The following NTM variants were observed in gnomAD, a reference collection of about 807,000 sequenced individuals.
NTM encodes the protein IgLON family member 2.
A neutral mutation model predicts 42.1 loss-of-function variants in NTM; 13 were observed. The ratio of observed to expected loss-of-function variants is 0.31; its 90% CI spans 0.20 to 0.49. NTM has a LOEUF of 0.49. NTM is among the 20% of genes least tolerant of loss of function. The pLI, the probability that NTM is intolerant of heterozygous loss-of-function variation, is 0.99. For synonymous variants in NTM, 187 were observed against 179.2 expected (o/e 1.04, Z -0.35); for missense variants, 373 against 452.8 (o/e 0.82, Z 1.60).
Position 131,900,822 on chromosome 11 carries a change from T to C in NTM, c.83-10742T>C, listed in dbSNP as rs571119308. On this transcript the variant is annotated intron_variant, in intron 1 of 8. Coordinates refer to ENST00000683400, the MANE Select transcript of NTM (RefSeq NM_001352005.2). ...ATAAGCAATACTAGGAGAATTTTTA[T>C]GGAACAATTTTGAGTAAAAATAACA... Among the ~76,000 whole-genome samples the C allele has an allele frequency of 2.6e-5, 4 of 152,376 alleles. No homozygotes were observed. In the South Asian group the frequency reaches 8.3e-4, roughly 32 times the overall value.
At chr11:131,665,971 A>C (rs2068974568) in intron 1 of NTM, among the ~76,000 whole-genome samples, 1 of 152,264 alleles carries the variant, frequency 6.6e-6, no homozygotes, top group Admixed American at 6.5e-5. Flanking sequence ...CTCAGTATCC[A>C]GTTTTGCTGA....
chr11:131,460,823 G>A (rs1951308564), intron 1 of NTM, among the ~76,000 whole-genome samples: 1 of 152,162 alleles, frequency 6.6e-6, no homozygotes, highest in Non-Finnish European at 1.5e-5. Flanking sequence ...CAAAGTGCTG[G>A]AATTACAGGC....
chr11:131,684,609 G>A (rs2073557411), intron 1 of NTM, among the ~76,000 whole-genome samples: 1 of 152,202 alleles, frequency 6.6e-6, no homozygotes, highest in Admixed American at 6.5e-5. Flanking sequence ...ACCTGCAGGT[G>A]GACATTTGGC....
intron 4 of NTM, among the ~76,000 whole-genome samples, chr11:132,235,993 G>GACAC (rs367555812): frequency 7.1e-4 from 72 of 101,266 alleles, no homozygotes; most frequent in Admixed American, 9.8e-4. Flanking sequence ...CACACACACA[G>GACAC]ACACACACAC....
intron 2 of NTM, among the ~76,000 whole-genome samples, chr11:131,952,764 C>T (rs2061154156): frequency 6.6e-6 from 1 of 152,060 alleles, no homozygotes; most frequent in African/African-American, 2.4e-5. Context: ...ACAAAGATAC[C>T]TATTACAATG....
chr11:132,005,754 C>T (rs2070623700), intron 2 of NTM, among the ~76,000 whole-genome samples: 1 of 152,004 alleles, frequency 6.6e-6, no homozygotes, highest in Admixed American at 6.6e-5. Context: ...AGTCCTTATT[C>T]CTCCCATTTT....
At chr11:131,564,457 GGAGGGA>G (rs1592064655) in intron 1 of NTM, among the ~76,000 whole-genome samples, 2 of 125,716 alleles carry the variant, frequency 1.6e-5, no homozygotes, top group East Asian at 5.6e-4. Flanking sequence ...AGAGAGAGAG[GGAGGGA>G]GAGAGAGAGA....
At chr11:132,073,323 G>T (rs185091595) in intron 2 of NTM, among the ~76,000 whole-genome samples, 5 of 152,276 alleles carry the variant, frequency 3.3e-5, no homozygotes, top group Non-Finnish European at 7.3e-5. Context: ...TGGGAGCAGA[G>T]GTGCCTAGTT....
At chr11:131,660,664 A>C (rs764024254) in intron 1 of NTM, 16 of 441,198 alleles carry the variant, frequency 3.6e-5, no homozygotes, top group South Asian at 2.6e-4. Flanking sequence ...CTGACCTTTC[A>C]TCCATGAAGC....
At chr11:132,160,890 T>G (rs1591910056) in intron 3 of NTM, among the ~76,000 whole-genome samples, 3 of 151,302 alleles carry the variant, frequency 2.0e-5, no homozygotes, top group South Asian at 2.1e-4. Context: ...AGGAGGAGGG[T>G]GAGAGGAGAG....
intron 3 of NTM, among the ~76,000 whole-genome samples, chr11:132,161,028 C>T (rs1308452910): frequency 6.6e-6 from 1 of 152,182 alleles, no homozygotes; most frequent in Non-Finnish European, 1.5e-5. Flanking sequence ...GAATTCCTCA[C>T]TTGGTTTCAG....
chr11:131,635,988 C>T (rs998994823), intron 1 of NTM, among the ~76,000 whole-genome samples: 1 of 152,198 alleles, frequency 6.6e-6, no homozygotes, highest in Non-Finnish European at 1.5e-5. Flanking sequence ...AGGACCCCTA[C>T]GCTCCACGGT....
chr11:131,578,280 C>T (rs1411273835), intron 1 of NTM, among the ~76,000 whole-genome samples: 1 of 152,086 alleles, frequency 6.6e-6, no homozygotes, highest in African/African-American at 2.4e-5. Flanking sequence ...AATTAGGTCC[C>T]CCAAGCAAAT....
chr11:131,726,323 G>A (rs777941922), intron 1 of NTM, among the ~76,000 whole-genome samples: 8 of 152,204 alleles, frequency 5.3e-5, no homozygotes, highest in Non-Finnish European at 8.8e-5. Context: ...TTAAAAAAAT[G>A]GTGGTTGCAC....
At chr11:132,023,226 G>A (rs2135546887) in intron 2 of NTM, among the ~76,000 whole-genome samples, 1 of 152,340 alleles carries the variant, frequency 6.6e-6, no homozygotes, top group East Asian at 1.9e-4. Flanking sequence ...TTGTTACTGG[G>A]CACATGCCAT....
chr11:132,028,876 A>T (rs2075550278), intron 2 of NTM, among the ~76,000 whole-genome samples: 2 of 151,372 alleles, frequency 1.3e-5, no homozygotes, highest in South Asian at 4.2e-4. Context: ...TACTGTGAGA[A>T]CCTCCTAGGG....
chr11:131,433,111 C>A (rs1378282061), intron 1 of NTM, among the ~76,000 whole-genome samples: 1 of 152,020 alleles, frequency 6.6e-6, no homozygotes, highest in African/African-American at 2.4e-5. Flanking sequence ...CCCGTCTCGG[C>A]CTCCCAAAGT....
intron 1 of NTM, among the ~76,000 whole-genome samples, chr11:131,873,664 CACATATATATATACACACATATATAT>C: frequency 8.7e-6 from 1 of 114,692 alleles, no homozygotes; most frequent in African/African-American, 3.5e-5. Flanking sequence ...CATATATATA[CACATATATATATACACACATATATAT>C]ACACACATAT....
intron 2 of NTM, among the ~76,000 whole-genome samples, chr11:131,955,839 A>G (rs2061503930): frequency 1.3e-5 from 2 of 152,182 alleles, no homozygotes; most frequent in African/African-American, 2.4e-5. Context: ...CCGCGCTTTG[A>G]CTTTTAAAAA....
Sources: allele counts gnomAD v4.1 joint callset (sites outside exome capture counted in the v4.1 genomes callset), GRCh38; gene constraint gnomAD v4.1.1; transcripts MANE v1.5; gene names NCBI Gene and HGNC (gene_info 2026-07-23, HGNC 2026-07-21).